Variants in ENTREP2 observed in about 807,000 individuals in gnomAD.
ENTREP2 encodes the protein endosomal transmembrane epsin interactor 2, also known as protein ENTREP2.
chr15:29,508,179 C>G, the ENTREP2 span, among the ~76,000 whole-genome samples: 1 of 152,142 alleles, frequency 6.6e-6, no homozygotes, highest in African/African-American at 2.4e-5. Context: ...GACACATACA[C>G]CCTCCCAAGA....
the ENTREP2 span, among the ~76,000 whole-genome samples, chr15:29,638,279 T>G: frequency 6.6e-6 from 1 of 152,214 alleles, no homozygotes; most frequent in Non-Finnish European, 1.5e-5. Flanking sequence ...CTGCTGATGT[T>G]TCCAGCCCAG....
chr15:29,454,546 T>C, the ENTREP2 span, among the ~76,000 whole-genome samples: 2 of 152,200 alleles, frequency 1.3e-5, no homozygotes, highest in African/African-American at 4.8e-5. Flanking sequence ...TCAATTTCCT[T>C]GATTGAACGT....
the ENTREP2 span, among the ~76,000 whole-genome samples, chr15:29,478,443 G>C: frequency 2.0e-5 from 3 of 152,124 alleles, no homozygotes; most frequent in Admixed American, 2.0e-4. Flanking sequence ...TCTTTAAAGT[G>C]CGTGTGTGAT....
At chr15:29,643,626 C>CA in the ENTREP2 span, among the ~76,000 whole-genome samples, 1 of 151,638 alleles carries the variant, frequency 6.6e-6, no homozygotes, top group African/African-American at 2.4e-5. Context: ...ACTGAAAATA[C>CA]AAAAAATTAG....
At chr15:29,608,780 G>A in the ENTREP2 span, among the ~76,000 whole-genome samples, 1 of 151,584 alleles carries the variant, frequency 6.6e-6, no homozygotes, top group Non-Finnish European at 1.5e-5. Context: ...TGTTAGCCAG[G>A]ATGGTCTCGA....
At chr15:29,382,737 T>G in the ENTREP2 span, among the ~76,000 whole-genome samples, 2 of 152,178 alleles carry the variant, frequency 1.3e-5, no homozygotes, top group Non-Finnish European at 2.9e-5. Context: ...GGCGGCCTCC[T>G]GAGGCCAGGC....
At chr15:29,436,340 C>T in the ENTREP2 span, among the ~76,000 whole-genome samples, 2 of 152,226 alleles carry the variant, frequency 1.3e-5, no homozygotes, top group African/African-American at 4.8e-5. Flanking sequence ...TCTACTCACC[C>T]TCCAGAGGAC....
At chr15:29,512,164 G>A in the ENTREP2 span, among the ~76,000 whole-genome samples, 61 of 152,064 alleles carry the variant, frequency 4.0e-4, no homozygotes, top group African/African-American at 1.4e-3. Flanking sequence ...AAAGCTTTGT[G>A]GCCTTCCAAA....
the ENTREP2 span, among the ~76,000 whole-genome samples, chr15:29,309,788 C>CAA: frequency 0.23 from 27,591 of 117,926 alleles, 2,894 homozygotes; most frequent in Non-Finnish European, 0.27. Flanking sequence ...GACTCTGTCT[C>CAA]AAAAAAAAAA....
At chr15:29,573,768 A>G in the ENTREP2 span, among the ~76,000 whole-genome samples, 1 of 150,298 alleles carries the variant, frequency 6.7e-6, no homozygotes, top group African/African-American at 2.5e-5. Flanking sequence ...AGCTTGGTGG[A>G]TTAGGACTTT....
chr15:29,211,025 T>C, the ENTREP2 span, among the ~76,000 whole-genome samples: 1 of 152,196 alleles, frequency 6.6e-6, no homozygotes, highest in Non-Finnish European at 1.5e-5. Flanking sequence ...TACCACATGT[T>C]ACTCCTAACA....
At chr15:29,617,771 G>T in the ENTREP2 span, among the ~76,000 whole-genome samples, 1 of 152,204 alleles carries the variant, frequency 6.6e-6, no homozygotes, top group Non-Finnish European at 1.5e-5. Context: ...AGAGAGCTCT[G>T]CAGGGTCTCA....
At chr15:29,554,385 A>C in the ENTREP2 span, among the ~76,000 whole-genome samples, 1 of 143,902 alleles carries the variant, frequency 6.9e-6, no homozygotes, top group African/African-American at 2.6e-5. Flanking sequence ...GGAGGAAGGG[A>C]GGGAGAGAGG....
At chr15:29,206,937 T>G in the ENTREP2 span, among the ~76,000 whole-genome samples, 2 of 152,180 alleles carry the variant, frequency 1.3e-5, no homozygotes, top group Non-Finnish European at 2.9e-5. Context: ...ATCGACAGTT[T>G]GGGACCAATC....
chr15:29,524,555 G>A, the ENTREP2 span, among the ~76,000 whole-genome samples: 26 of 152,324 alleles, frequency 1.7e-4, no homozygotes, highest in African/African-American at 6.3e-4. Context: ...ATTAGAAGCC[G>A]TAGGTCACGG....
chr15:29,162,278 T>C, the ENTREP2 span, among the ~76,000 whole-genome samples: 12 of 152,092 alleles, frequency 7.9e-5, no homozygotes, highest in East Asian at 2.1e-3. Context: ...TAGCTGAAAT[T>C]TGTAACAATT....
At chr15:29,195,089 G>A in the ENTREP2 span, 97 of 979,660 alleles carry the variant, frequency 9.9e-5, no homozygotes, top group Non-Finnish European at 1.2e-4. Context: ...GTGGGCGTAG[G>A]TAATGTGGGC....
the ENTREP2 span, among the ~76,000 whole-genome samples, chr15:29,591,870 GAA>G: frequency 4.2e-5 from 4 of 95,760 alleles, no homozygotes; most frequent in Non-Finnish European, 7.1e-5. Flanking sequence ...AGAAGAAGAA[GAA>G]GAAGAAGAAG....
chr15:29,276,601 C>T, the ENTREP2 span, among the ~76,000 whole-genome samples: 2 of 152,184 alleles, frequency 1.3e-5, no homozygotes, highest in African/African-American at 4.8e-5. Context: ...CACTTGTGCC[C>T]TTGCTTCTGA....
Sources: gnomAD v4.1 joint callset for allele counts (sites outside exome capture counted in the v4.1 genomes callset) on GRCh38, gnomAD v4.1.1 for gene constraint, MANE v1.5 for transcripts, NCBI Gene and HGNC (gene_info 2026-07-23, HGNC 2026-07-21) for gene names.